The following ABTB2 variants were observed in gnomAD, a reference collection of about 807,000 sequenced individuals.
ABTB2 encodes the protein ankyrin repeat and BTB domain containing 2.
A neutral mutation model predicts 104.1 loss-of-function variants in ABTB2; 56 were observed. The observed-to-expected ratio is 0.54, with a 90% CI of 0.43 to 0.67. ABTB2 has a LOEUF of 0.67. Among genes scored for constraint, ABTB2 ranks in the 30% least tolerant of loss-of-function variants. The pLI, the probability that ABTB2 is intolerant of heterozygous loss-of-function variation, is 0.00. For missense variants in ABTB2, 1,279 were observed against 1,407.7 expected (o/e 0.91, Z 1.46); for synonymous variants, 606 against 608.2 (o/e 1.00, Z 0.05).
In ABTB2 at chr11:34,302,738, C is replaced by G; in HGVS notation, c.883+53963G>C. Among the ~76,000 whole-genome samples, 2 of 152,320 alleles carry G rather than the reference C, an allele frequency of 1.3e-5. 1 individual carries two copies. The highest frequency in any genetic ancestry group is 1.3e-4 in the Admixed American group (2 of 15,288). On this transcript the variant is annotated intron_variant, in intron 1 of 16. Transcript: ENST00000435224. Reference sequence around the variant, plus strand: ...CCTCACTCCCTCCAGACCACAACCTCTTTAGCGCTTGCGAGGGGTAGTAGG... The same window carrying G: ...CCTCACTCCCTCCAGACCACAACCTGTTTAGCGCTTGCGAGGGGTAGTAGG...
chr11:34,187,783 T>C (rs779825771), intron 3 of ABTB2, among the ~76,000 whole-genome samples: 2 of 152,152 alleles, frequency 1.3e-5, no homozygotes, highest in African/African-American at 4.8e-5. Context: ...GCCTCTCATC[T>C]TTCTCACTCA....
At chr11:34,162,508 A>G in intron 10 of ABTB2, 68 bp downstream of exon 10, 1 of 1,515,110 alleles carries the variant, frequency 6.6e-7, no homozygotes, top group South Asian at 1.2e-5. Context: ...GCTGAAGAGC[A>G]GCAGGGAGTG....
chr11:34,291,510 T>G (rs1854565304), intron 1 of ABTB2, among the ~76,000 whole-genome samples: 1 of 152,230 alleles, frequency 6.6e-6, no homozygotes, highest in African/African-American at 2.4e-5. Context: ...TATTTTTATT[T>G]TTTAGATGGA....
At chr11:34,215,020 G>T (rs1031583596) in intron 1 of ABTB2, among the ~76,000 whole-genome samples, 6 of 152,126 alleles carry the variant, frequency 3.9e-5, no homozygotes, top group Non-Finnish European at 7.4e-5. Flanking sequence ...TGGCCCCTTC[G>T]CCTGGCCCCA....
chr11:34,180,273 T>C (rs1410338666), intron 3 of ABTB2, among the ~76,000 whole-genome samples: 1 of 152,192 alleles, frequency 6.6e-6, no homozygotes, highest in Non-Finnish European at 1.5e-5. Context: ...CTGGAAACTG[T>C]TTCTGGCAGT....
At chr11:34,305,343 C>T (rs1054930095) in intron 1 of ABTB2, among the ~76,000 whole-genome samples, 2 of 152,236 alleles carry the variant, frequency 1.3e-5, no homozygotes, top group Non-Finnish European at 2.9e-5. Context: ...TGCACACATT[C>T]GCTCTGATAC....
intron 1 of ABTB2, among the ~76,000 whole-genome samples, chr11:34,282,703 C>CT (rs954794835): frequency 1.1e-4 from 17 of 150,004 alleles, no homozygotes; most frequent in Middle Eastern, 3.4e-3. Flanking sequence ...ATTTTTTTTT[C>CT]TTTTTTTTAG....
At chr11:34,214,110 C>A (rs1328631305) in intron 1 of ABTB2, among the ~76,000 whole-genome samples, 3 of 144,160 alleles carry the variant, frequency 2.1e-5, no homozygotes, top group African/African-American at 5.3e-5. Flanking sequence ...CAACACAGAG[C>A]CACTTTTCTA....
chr11:34,327,823 T>G (rs1026213941), intron 1 of ABTB2, among the ~76,000 whole-genome samples: 2 of 152,174 alleles, frequency 1.3e-5, no homozygotes, highest in Non-Finnish European at 2.9e-5. Context: ...CTGGATTATG[T>G]TTTCTGCTGC....
chr11:34,203,392 G>T (rs917927038), intron 2 of ABTB2, among the ~76,000 whole-genome samples: 19 of 152,156 alleles, frequency 1.2e-4, no homozygotes, highest in African/African-American at 4.6e-4. Flanking sequence ...AGTGGACCAG[G>T]GGCTGTGTCC....
intron 1 of ABTB2, among the ~76,000 whole-genome samples, chr11:34,334,038 A>G (rs946298853): frequency 4.0e-4 from 60 of 150,078 alleles, no homozygotes; most frequent in Non-Finnish European, 1.8e-4. Flanking sequence ...AAAAAGCCAC[A>G]GGCAAAAGTC....
At chr11:34,224,985 A>T (rs1853669181) in intron 1 of ABTB2, among the ~76,000 whole-genome samples, 1 of 152,232 alleles carries the variant, frequency 6.6e-6, no homozygotes, top group Non-Finnish European at 1.5e-5. Context: ...TAATAAGTAT[A>T]AAAAAATCCA....
chr11:34,279,746 A>G (rs1854427027), intron 1 of ABTB2, among the ~76,000 whole-genome samples: 1 of 151,868 alleles, frequency 6.6e-6, no homozygotes, highest in Non-Finnish European at 1.5e-5. Context: ...TAACTTTTAC[A>G]GCCAGTGACT....
intron 3 of ABTB2, among the ~76,000 whole-genome samples, chr11:34,193,277 C>T (rs1261443535): frequency 6.6e-6 from 1 of 152,238 alleles, no homozygotes; most frequent in Non-Finnish European, 1.5e-5. Flanking sequence ...TGCCTTGTGC[C>T]TGGCTGGTGC....
intron 1 of ABTB2, among the ~76,000 whole-genome samples, chr11:34,322,027 G>A (rs775275204): frequency 2.0e-5 from 3 of 152,214 alleles, no homozygotes; most frequent in Non-Finnish European, 2.9e-5. Flanking sequence ...AGGAAGGGCA[G>A]AGGATTTCTG....
intron 1 of ABTB2, among the ~76,000 whole-genome samples, chr11:34,230,250 C>A (rs568886524): frequency 6.6e-6 from 1 of 152,312 alleles, no homozygotes; most frequent in African/African-American, 2.4e-5. Context: ...GCACTAACAT[C>A]CACATCTCTA....
intron 14 of ABTB2, among the ~76,000 whole-genome samples, chr11:34,156,596 T>C (rs988740162): frequency 6.6e-6 from 1 of 151,544 alleles, no homozygotes; most frequent in Non-Finnish European, 1.5e-5. Context: ...CAATCTCGGC[T>C]CACCGCAACC....
chr11:34,165,227 G>A (rs1852781422), intron 8 of ABTB2, 33 bp downstream of exon 8: 7 of 1,526,310 alleles, frequency 4.6e-6, no homozygotes, highest in Non-Finnish European at 6.2e-6. Flanking sequence ...TGCAGGGAAG[G>A]GTAGACAGAG....
At chr11:34,182,605 C>A (rs2133025411) in intron 3 of ABTB2, among the ~76,000 whole-genome samples, 1 of 151,360 alleles carries the variant, frequency 6.6e-6, no homozygotes, top group South Asian at 2.1e-4. Flanking sequence ...TTAGAGCCAA[C>A]CAAGTCATGA....
Sources: allele counts gnomAD v4.1 joint callset (sites outside exome capture counted in the v4.1 genomes callset), GRCh38; gene constraint gnomAD v4.1.1; transcripts MANE v1.5; gene names NCBI Gene and HGNC (gene_info 2026-07-23, HGNC 2026-07-21).